The following CSMD3 variants were observed in gnomAD, a reference collection of about 807,000 sequenced individuals.
CSMD3 encodes the protein CUB and sushi domain-containing protein 3.
In CSMD3, 177 loss-of-function variants were observed where a neutral mutation model predicts 435.2. The observed-to-expected ratio is 0.41, with a 90% CI of 0.36 to 0.46. The LOEUF (loss-of-function observed/expected upper bound fraction) is 0.46, where lower values mean the gene tolerates loss of function less well. CSMD3 is among the 20% of genes least tolerant of loss of function. CSMD3 has a pLI of 0.34. For missense variants in CSMD3, 4,265 were observed against 4,504.6 expected, an observed-to-expected ratio of 0.95 and a Z score of 1.52; for synonymous variants, 1,656 against 1,520.5, an observed-to-expected ratio of 1.09 and a Z score of -2.07.
chr8:112,545,515 A>G (rs1026075560), intron 27 of CSMD3, among the ~76,000 whole-genome samples: 104 of 146,156 alleles, frequency 7.1e-4, no homozygotes, highest in Middle Eastern at 3.5e-3. Flanking sequence ...AATAATAATA[A>G]TAATAATAAT....
chr8:113,265,339 T>C (rs959532838), intron 3 of CSMD3, among the ~76,000 whole-genome samples: 1 of 151,556 alleles, frequency 6.6e-6, no homozygotes, highest in Non-Finnish European at 1.5e-5. Flanking sequence ...GTAATTCAAA[T>C]AATACAGTAT....
At chr8:112,837,757 C>CT (rs111939786) in intron 11 of CSMD3, among the ~76,000 whole-genome samples, 7,772 of 151,470 alleles carry the variant, frequency 0.051, 658 homozygotes, top group African/African-American at 0.18. Context: ...AAAAATTTAC[C>CT]TTTTTTGGGA....
At chr8:113,183,980 T>C (rs1027155184) in intron 3 of CSMD3, among the ~76,000 whole-genome samples, 4 of 151,954 alleles carry the variant, frequency 2.6e-5, no homozygotes, top group African/African-American at 9.7e-5. Flanking sequence ...TCAGATCTCA[T>C]AGGTTGAGGG....
At chr8:112,338,303 A>C (rs1391880439) in intron 42 of CSMD3, among the ~76,000 whole-genome samples, 1 of 152,206 alleles carries the variant, frequency 6.6e-6, no homozygotes, top group African/African-American at 2.4e-5. Flanking sequence ...TGGGCAATGC[A>C]GTATAATTGC....
At chr8:112,979,197 A>C (rs1020340280) in intron 6 of CSMD3, among the ~76,000 whole-genome samples, 11 of 151,832 alleles carry the variant, frequency 7.2e-5, no homozygotes, top group Non-Finnish European at 8.8e-5. Context: ...TTTACTTAGA[A>C]TATTCAACGT....
intron 59 of CSMD3, among the ~76,000 whole-genome samples, chr8:112,278,661 T>G (rs898431110): frequency 6.6e-6 from 1 of 152,170 alleles, no homozygotes; most frequent in Non-Finnish European, 1.5e-5. Context: ...TGCTTGCCTA[T>G]CTGACAAGGA....
intron 22 of CSMD3, among the ~76,000 whole-genome samples, chr8:112,596,543 C>A (rs1379049491): frequency 6.6e-6 from 1 of 152,116 alleles, no homozygotes; most frequent in Non-Finnish European, 1.5e-5. Context: ...AACTCTCCAC[C>A]CCAAATCAAC....
At chr8:112,766,709 GAT>G (rs2077988205) in intron 13 of CSMD3, among the ~76,000 whole-genome samples, 1 of 151,820 alleles carries the variant, frequency 6.6e-6, no homozygotes, top group South Asian at 2.1e-4. Context: ...GATTTCCTTT[GAT>G]AGTTGGCCAC....
chr8:112,730,176 T>C (rs1388683204), intron 13 of CSMD3, among the ~76,000 whole-genome samples: 1 of 152,028 alleles, frequency 6.6e-6, no homozygotes, highest in African/African-American at 2.4e-5. Context: ...TAAACAAGGA[T>C]CTAGACTTAA....
intron 27 of CSMD3, among the ~76,000 whole-genome samples, chr8:112,544,904 A>G (rs1395370634): frequency 1.3e-5 from 2 of 152,206 alleles, no homozygotes; most frequent in African/African-American, 2.4e-5. Flanking sequence ...GGTCTATTGC[A>G]AGATAATAAA....
chr8:112,228,365 A>T (rs1483955475), intron 70 of CSMD3, among the ~76,000 whole-genome samples: 1 of 152,226 alleles, frequency 6.6e-6, no homozygotes, highest in Non-Finnish European at 1.5e-5. Flanking sequence ...AGGTTTGGAC[A>T]CAAGCTCCTT....
At chr8:113,431,116 G>C (rs148911814) in intron 1 of CSMD3, among the ~76,000 whole-genome samples, 5 of 152,162 alleles carry the variant, frequency 3.3e-5, no homozygotes, top group Non-Finnish European at 7.3e-5. Flanking sequence ...TGCAGGCATG[G>C]AGGTAGGTAT....
chr8:112,990,181 T>C lies in CSMD3; in HGVS notation c.1031-14033A>G, dbSNP rs1005927540. On this transcript the variant is annotated intron_variant, in intron 6 of 70. Coordinates refer to ENST00000297405, the MANE Select transcript of CSMD3 (RefSeq NM_198123.2). ...TATTAGCAGCATGAGAACAGACTAA[T>C]ACAGCCACGTAAGGAAGTATGTCTG... Among the ~76,000 whole-genome samples, 7 of 152,062 alleles carry C rather than the reference T, an allele frequency of 4.6e-5. No individual in the cohort carries two copies. In the South Asian group the frequency reaches 1.0e-3, roughly 23 times the overall value.
intron 7 of CSMD3, among the ~76,000 whole-genome samples, chr8:112,963,610 T>C (rs1431753673): frequency 6.6e-6 from 1 of 151,922 alleles, no homozygotes; most frequent in Non-Finnish European, 1.5e-5. Flanking sequence ...TGCTGTTTTC[T>C]AGCAATTATG....
At chr8:113,266,135 C>T (rs66525638) in intron 3 of CSMD3, among the ~76,000 whole-genome samples, 17,531 of 148,758 alleles carry the variant, frequency 0.12, 1,074 homozygotes, top group Middle Eastern at 0.18. Flanking sequence ...CATGATACTG[C>T]CACTTAGATT....
At chr8:112,813,757 C>A (rs1011671585) in intron 12 of CSMD3, among the ~76,000 whole-genome samples, 2 of 151,972 alleles carry the variant, frequency 1.3e-5, no homozygotes, top group Non-Finnish European at 2.9e-5. Flanking sequence ...CCTACTCGAC[C>A]CAGAAAGCCC....
intron 7 of CSMD3, among the ~76,000 whole-genome samples, chr8:112,972,813 C>T (rs913385925): frequency 6.6e-6 from 1 of 151,928 alleles, no homozygotes; most frequent in African/African-American, 2.4e-5. Flanking sequence ...CCACCCACTC[C>T]TTATCCTCAG....
rs747333485 is a variant in CSMD3 at position 112,301,877 on chromosome 8, C to T, written c.8356G>A (p.Asp2786Asn). ...SYGSTAIFTC[D>N]LGFMLVGSAV... ...GAGCCCACAAGCATGAATCCCAAGT[C>T]GCAGGTAAAGATAGCTGTTGAGCCA... Residue 2786 changes from aspartate to asparagine, a missense_variant, in exon 53 of 71, where the codon GAC (aspartate) becomes AAC (asparagine). Coordinates refer to ENST00000297405, the MANE Select transcript of CSMD3 (RefSeq NM_198123.2). The T allele has an allele frequency of 1.5e-5, 25 of 1,613,546 alleles. No homozygotes were observed. Among genetic ancestry groups the T allele is most frequent in the Non-Finnish European group, 2.1e-5 (25 of 1,179,646 alleles).
intron 39 of CSMD3, among the ~76,000 whole-genome samples, chr8:112,351,571 G>A (rs1462237187): frequency 5.3e-5 from 8 of 151,862 alleles, no homozygotes; most frequent in Non-Finnish European, 2.9e-5. Flanking sequence ...AGTATACATG[G>A]TGGTTTATAA....
Sources: gnomAD v4.1 joint callset for allele counts (sites outside exome capture counted in the v4.1 genomes callset) on GRCh38, gnomAD v4.1.1 for gene constraint, MANE v1.5 for transcripts, NCBI Gene and HGNC (gene_info 2026-07-23, HGNC 2026-07-21) for gene names.